Variants in PITRM1 observed in about 807,000 individuals in gnomAD.
The protein encoded by PITRM1 is pitrilysin metallopeptidase 1.
A neutral mutation model predicts 129.9 loss-of-function variants in PITRM1; 100 were observed. That is an observed-to-expected ratio of 0.77 (90% CI 0.65 to 0.91). The LOEUF (loss-of-function observed/expected upper bound fraction) is 0.91. PITRM1 is among the 40% of genes least tolerant of loss of function. PITRM1 has a pLI of 0.00. For missense variants in PITRM1, 1,471 were observed against 1,318.3 expected, an observed-to-expected ratio of 1.12 and a Z score of -1.79; for synonymous variants, 591 against 508.8, an observed-to-expected ratio of 1.16 and a Z score of -2.17.
In PITRM1 at chr10:3,138,052, G is replaced by A. The variant is rs1009664836; in HGVS notation, c.3093C>T (p.Asp1031=). 3 of 1,607,596 alleles carry A rather than the reference G, an allele frequency of 1.9e-6. No homozygotes were observed. The highest frequency in any genetic ancestry group is 2.7e-5 in the African/African-American group (2 of 74,802). ...LGPENPKIAK[D]PSWIIQ ...CTGCTCATTGGATGATCCAGGATGGGTCCTTGGCAATTTTCGGGTTCTCGG... is the reference window on the plus strand; with the variant it reads ...CTGCTCATTGGATGATCCAGGATGGATCCTTGGCAATTTTCGGGTTCTCGG... Residue 1031 remains aspartate (D), a synonymous_variant, in exon 27 of 27, where the codon GAC becomes GAT. Transcript: ENST00000224949.
chr10:3,167,593 T>C (rs953745558), intron 2 of PITRM1, among the ~76,000 whole-genome samples: 13 of 152,170 alleles, frequency 8.5e-5, no homozygotes, highest in African/African-American at 3.1e-4. Context: ...CTCCTGCTTT[T>C]GTGTGCTGTG....
intron 1 of PITRM1, 142 bp downstream of exon 1, chr10:3,172,575 G>A (rs968740896): frequency 1.4e-6 from 1 of 721,790 alleles, no homozygotes. Flanking sequence ...GCTCCAGGAA[G>A]GGCTCGGGGT....
At chr10:3,148,388 T>A in intron 16 of PITRM1, 97 bp from the exon 17 acceptor site, 2 of 1,449,584 alleles carry the variant, frequency 1.4e-6, no homozygotes, top group Non-Finnish European at 1.9e-6. Context: ...CTTCCATTAA[T>A]TCAATAACTG....
Position 3,165,246 on chromosome 10 carries a change from C to G in PITRM1, c.622G>C (p.Gly208Arg). The G allele has an allele frequency of 1.3e-6, 2 of 1,564,324 alleles. No individual in the cohort carries two copies. The highest frequency in any genetic ancestry group is 8.7e-7 in the Non-Finnish European group (1 of 1,155,964). ...AAAGGAAGAAAACTTACAAACGCTC[C>G]CTTCATCTCATTAAAGACGACTCCT... ...FKGVVFNEMK[G>R]AFTDNERIFS... The change falls in exon 6 of 27, where the codon GGA becomes CGA. Residue 208 changes from glycine (G) to arginine (R), a missense_variant. Coordinates refer to ENST00000224949, the MANE Select transcript of PITRM1 (RefSeq NM_014889.4).
rs1469162664 is a variant in PITRM1 at position 3,156,980 on chromosome 10, G to C, written c.1432C>G (p.Leu478Val). The C allele has an allele frequency of 6.2e-7, 1 of 1,607,930 alleles. No homozygotes were observed. The change falls in exon 13 of 27, where the codon CTG (leucine) becomes GTG (valine). Residue 478 changes from leucine (L) to valine (V), a missense_variant. Coordinates refer to ENST00000224949, the MANE Select transcript of PITRM1 (RefSeq NM_014889.4). ...TGCAAAAATTTTGGATTTTCCTGCA[G>C]GCACTGTCTGAATTTAGCTAACTGA... ...GNQLAKFRQC[L>V]QENPKFLQEK...
chr10:3,154,168 G>A (rs989920061), intron 14 of PITRM1, among the ~76,000 whole-genome samples: 4 of 152,166 alleles, frequency 2.6e-5, no homozygotes, highest in Non-Finnish European at 4.4e-5. Context: ...TCCCTTTGTG[G>A]GAAGCTTCGA....
chr10:3,172,610 C>T (rs2132543402), intron 1 of PITRM1, 107 bp downstream of exon 1: 3 of 1,041,090 alleles, frequency 2.9e-6, no homozygotes, highest in East Asian at 2.9e-5. Context: ...GCTTGGGGAG[C>T]TGCCAGCCCC....
intron 14 of PITRM1, among the ~76,000 whole-genome samples, chr10:3,151,574 C>G (rs1841521790): frequency 6.6e-6 from 1 of 152,172 alleles, no homozygotes; most frequent in African/African-American, 2.4e-5. Flanking sequence ...TAGCCCTTTT[C>G]CTAATTCTCA....
At chr10:3,152,427 T>C (rs1478511337) in intron 14 of PITRM1, among the ~76,000 whole-genome samples, 1 of 152,212 alleles carries the variant, frequency 6.6e-6, no homozygotes, top group Non-Finnish European at 1.5e-5. Context: ...CCATGTTCCA[T>C]TTCCACCTTC....
chr10:3,159,325 A>AC (rs1588693485), intron 9 of PITRM1, among the ~76,000 whole-genome samples: 1 of 152,226 alleles, frequency 6.6e-6, no homozygotes, highest in Non-Finnish European at 1.5e-5. Context: ...CTGTGGCAGC[A>AC]CCATTAAGGA....
At position 3,159,949 on chromosome 10, in the gene PITRM1, G is replaced by A. The variant is rs775351219; in HGVS notation, c.919-13C>T. ...TCTGGAATTCCCTCTGTAAAATGAC[G>A]TGACGTTGTGAGTAGGCACAGTGTC... On this transcript the variant is annotated splice_polypyrimidine_tract_variant and intron_variant, in intron 8 of 26. Transcript: ENST00000224949. The A allele has an allele frequency of 7.1e-6, 11 of 1,550,614 alleles. No individual in the cohort carries two copies. In the South Asian group the frequency reaches 9.3e-5, roughly 13 times the overall value.
rs1840769265 is a variant in PITRM1, at chr10:3,145,601, C to T, written c.2452G>A (p.Val818Ile). The change falls in exon 21 of 27, where the codon GTC becomes ATC. Residue 818 changes from valine (V) to isoleucine (I), a missense_variant. Physicochemically the swap from Val to Ile is conservative, Grantham distance 29. Transcript: ENST00000224949. ...CCAGCACCACCAGTGCATACCTCGA[C>T]CGTGTGTGGGCGCACAGGCCTCCGT... is the stretch of plus-strand genomic sequence containing the variant. ...KERRPVRPHT[V>I]EKPVPSSSGG... The T allele has an allele frequency of 1.3e-6, 2 of 1,549,734 alleles. No homozygotes were observed. The highest frequency in any genetic ancestry group is 1.2e-5 in the South Asian group (1 of 83,986).
chr10:3,140,715 T>C lies in PITRM1; in HGVS notation c.2743A>G (p.Asn915Asp), dbSNP rs1336114078. 1.9e-6 allele frequency: 3 copies of C among 1,599,164 alleles called. No homozygotes were observed. Among genetic ancestry groups the C allele is most frequent in the Non-Finnish European group, 2.6e-6 (3 of 1,172,500 alleles). ...TAAGAGTAAAGGGTGAAAATCCCAT[T>C]GTGGCTGAGTTTTGCGCCTCCACCA... Reference protein sequence around the residue: ...AYGGGAKLSHNGIFTLYSYRD... With the variant: ...AYGGGAKLSHDGIFTLYSYRD... The change falls in exon 24 of 27, where the codon AAT becomes GAT. Residue 915 changes from asparagine to aspartate, a missense_variant. Transcript: ENST00000224949.
intron 1 of PITRM1, among the ~76,000 whole-genome samples, chr10:3,171,996 T>C (rs1463967028): frequency 6.6e-6 from 1 of 152,260 alleles, no homozygotes; most frequent in Non-Finnish European, 1.5e-5. Flanking sequence ...GGCAATATTA[T>C]GAAGATATGC....
chr10:3,153,272 G>A (rs1040448156), intron 14 of PITRM1, among the ~76,000 whole-genome samples: 5 of 152,184 alleles, frequency 3.3e-5, no homozygotes, highest in East Asian at 1.9e-4. Context: ...GCCAGGCCAC[G>A]AATATGAAGT....
At chr10:3,160,410 C>T (rs1842348736) in intron 7 of PITRM1, 80 bp from the exon 8 acceptor site, 1 of 1,204,000 alleles carries the variant, frequency 8.3e-7, no homozygotes, top group Non-Finnish European at 1.2e-6. Flanking sequence ...CACTGAAACA[C>T]AGCACAGGAG....
In PITRM1 at chr10:3,137,986, A is replaced by G; in HGVS notation, c.*45T>C. Reference sequence around the variant, plus strand: ...TTCTGACTTTTCATATTCAGCTCGGAGGTGTATTGTCTCGGGCTCCTGTGC... The same window carrying G: ...TTCTGACTTTTCATATTCAGCTCGGGGGTGTATTGTCTCGGGCTCCTGTGC... On this transcript the variant is annotated 3_prime_UTR_variant, in exon 27 of 27. Transcript: ENST00000224949. The G allele has an allele frequency of 9.3e-7, 1 of 1,070,664 alleles. No individual in the cohort carries two copies. Among genetic ancestry groups the G allele is most frequent in the Non-Finnish European group, 1.4e-6 (1 of 706,484 alleles). 66.3% of individuals were successfully genotyped at this position (1,070,664 alleles called of 1,614,324 possible).
intron 11 of PITRM1, among the ~76,000 whole-genome samples, chr10:3,157,808 C>G (rs9423704): frequency 0.28 from 42,480 of 152,164 alleles, 6,019 homozygotes; most frequent in African/African-American, 0.31. Flanking sequence ...CACTGCACAG[C>G]AGGCTGGGTG....
intron 11 of PITRM1, among the ~76,000 whole-genome samples, chr10:3,157,766 G>A (rs568558712): frequency 6.6e-6 from 1 of 152,346 alleles, no homozygotes; most frequent in African/African-American, 2.4e-5. Context: ...GAGCCTGGTA[G>A]GGGAGGAAAA....
Sources: gnomAD v4.1 joint callset for allele counts (sites outside exome capture counted in the v4.1 genomes callset) on GRCh38, gnomAD v4.1.1 for gene constraint, MANE v1.5 for transcripts, NCBI Gene and HGNC (gene_info 2026-07-23, HGNC 2026-07-21) for gene names.